Variants in KCNT2 observed in about 807,000 individuals in gnomAD.
KCNT2 encodes the protein potassium channel subfamily T member 2.
A neutral mutation model predicts 153.8 loss-of-function variants in KCNT2; 67 were observed. The observed-to-expected ratio is 0.44, with a 90% CI of 0.36 to 0.53. KCNT2 has a LOEUF of 0.53. KCNT2 is among the 20% of genes least tolerant of loss of function. The pLI, the probability that KCNT2 is intolerant of heterozygous loss-of-function variation, is 0.00. For missense variants in KCNT2, 975 were observed against 1,354.8 expected, an observed-to-expected ratio of 0.72 and a Z score of 4.40; for synonymous variants, 500 against 458.8, an observed-to-expected ratio of 1.09 and a Z score of -1.15.
chr1:196,356,037 T>C (rs1408613235), intron 14 of KCNT2, among the ~76,000 whole-genome samples: 2 of 151,796 alleles, frequency 1.3e-5, no homozygotes, highest in Non-Finnish European at 2.9e-5. Context: ...ATATATTCCA[T>C]AAATATTAAT....
chr1:196,334,487 CTT>C (rs533230418), intron 16 of KCNT2, among the ~76,000 whole-genome samples: 1 of 87,260 alleles, frequency 1.1e-5, no homozygotes, highest in Non-Finnish European at 2.2e-5. Context: ...TTCTTTCTTT[CTT>C]TTTTTTTTTT....
intron 19 of KCNT2, 89 bp from the exon 20 acceptor site, chr1:196,319,644 A>G: frequency 1.3e-6 from 1 of 779,216 alleles, no homozygotes; most frequent in Non-Finnish European, 2.1e-6. Flanking sequence ...CTTAGTTTGC[A>G]TTTCCAAAAC....
chr1:196,336,305 T>C (rs1014202623), intron 16 of KCNT2, among the ~76,000 whole-genome samples: 2 of 152,060 alleles, frequency 1.3e-5, no homozygotes, highest in African/African-American at 4.8e-5. Context: ...CTGCACATCA[T>C]CTCTCCTTCT....
At chr1:196,468,581 C>T (rs1296927368) in intron 6 of KCNT2, among the ~76,000 whole-genome samples, 1 of 151,878 alleles carries the variant, frequency 6.6e-6, no homozygotes, top group Non-Finnish European at 1.5e-5. Context: ...AAAAACAGAA[C>T]TAGACTTAAT....
intron 1 of KCNT2, among the ~76,000 whole-genome samples, chr1:196,575,760 C>T (rs1040870363): frequency 2.0e-5 from 3 of 151,462 alleles, no homozygotes; most frequent in African/African-American, 7.3e-5. Context: ...GGCGGATCAC[C>T]TGAGGTCAGG....
At chr1:196,567,527 T>C (rs1660258304) in intron 1 of KCNT2, among the ~76,000 whole-genome samples, 1 of 152,182 alleles carries the variant, frequency 6.6e-6, no homozygotes, top group South Asian at 2.1e-4. Context: ...CATCAGGAAG[T>C]ACAAAAGATG....
chr1:196,460,681 G>T (rs753451962), intron 8 of KCNT2, among the ~76,000 whole-genome samples: 2 of 151,732 alleles, frequency 1.3e-5, no homozygotes, highest in Non-Finnish European at 2.9e-5. Flanking sequence ...ACAAGAAAGT[G>T]TCATAGAGAA....
At chr1:196,480,017 T>C (rs578153569) in intron 4 of KCNT2, among the ~76,000 whole-genome samples, 14 of 152,348 alleles carry the variant, frequency 9.2e-5, no homozygotes, top group African/African-American at 3.4e-4. Context: ...GTGTTAGTAC[T>C]ATCTTCCTAC....
At chr1:196,606,472 G>A (rs6428349) in intron 1 of KCNT2, among the ~76,000 whole-genome samples, 72,759 of 151,960 alleles carry the variant, frequency 0.48, 19,804 homozygotes, top group Middle Eastern at 0.73. Flanking sequence ...TTAAGTTAAA[G>A]TTGGGCTAGC....
At chr1:196,361,342 G>T (rs2148273259) in intron 14 of KCNT2, among the ~76,000 whole-genome samples, 1 of 152,088 alleles carries the variant, frequency 6.6e-6, no homozygotes, top group Non-Finnish European at 1.5e-5. Context: ...TGTCCCGAAG[G>T]TTACCTGAGG....
At chr1:196,300,836 T>G (rs2147960190) in intron 22 of KCNT2, among the ~76,000 whole-genome samples, 1 of 152,220 alleles carries the variant, frequency 6.6e-6, no homozygotes, top group Non-Finnish European at 1.5e-5. Context: ...AGAAATTTTT[T>G]CTCCCCTATT....
chr1:196,272,554 T>C (rs1376456301), intron 25 of KCNT2, among the ~76,000 whole-genome samples: 3 of 151,884 alleles, frequency 2.0e-5, no homozygotes, highest in Non-Finnish European at 4.4e-5. Flanking sequence ...ATAAAGTTTA[T>C]GTATTTGTGT....
At chr1:196,388,725 T>C (rs1670221408) in intron 13 of KCNT2, among the ~76,000 whole-genome samples, 1 of 151,770 alleles carries the variant, frequency 6.6e-6, no homozygotes, top group Non-Finnish European at 1.5e-5. Flanking sequence ...TTGATTTCTG[T>C]ATAAGGAAGA....
In KCNT2 at chr1:196,540,910, C is replaced by CA. The variant is rs545561968; in HGVS notation, c.96-48570dup. Among the ~76,000 whole-genome samples the CA allele has an allele frequency of 3.5e-3, 529 of 151,638 alleles. 5 individuals carry two copies. The highest frequency in any genetic ancestry group is 0.017 in the South Asian group (81 of 4,802). On this transcript the variant is annotated intron_variant, in intron 1 of 27. Transcript: ENST00000294725. The stretch of plus-strand genomic sequence containing the variant: ...TGAAACCCTGTCTCTACTAAAAATA[C>CA]AAAAAATTAGCCAGGCGTGGTGGCG...
At chr1:196,522,331 T>C (rs1218110014) in intron 1 of KCNT2, among the ~76,000 whole-genome samples, 1 of 152,176 alleles carries the variant, frequency 6.6e-6, no homozygotes, top group African/African-American at 2.4e-5. Context: ...TGGAAGATAA[T>C]ACATATGTGA....
At chr1:196,566,239 C>A (rs561932752) in intron 1 of KCNT2, among the ~76,000 whole-genome samples, 1 of 151,844 alleles carries the variant, frequency 6.6e-6, no homozygotes, top group African/African-American at 2.4e-5. Context: ...GAAAAAATGA[C>A]CTTCCTGGCA....
rs1219761175 is a variant in KCNT2, at chr1:196,227,581, T to TTA, written c.*641_*642dup. 2 of 152,422 alleles carry TTA rather than the reference T, an allele frequency of 1.3e-5. No homozygotes were observed. The highest frequency in any genetic ancestry group is 4.8e-5 in the African/African-American group (2 of 41,454). The allele number at this position is 152,422 out of a possible 1,614,324, so 9.4% of individuals were successfully genotyped here. On this transcript the variant is annotated 3_prime_UTR_variant, in exon 28 of 28. Transcript: ENST00000294725. ...GCAGGAACCTAGTGTTTCTTTTCATTTATGTTTTAGTTTCTTCAATGTAAT... is the reference window on the plus strand; with the variant it reads ...GCAGGAACCTAGTGTTTCTTTTCATTTATATGTTTTAGTTTCTTCAATGTAAT...
chr1:196,516,893 G>A (rs527355269), intron 1 of KCNT2, among the ~76,000 whole-genome samples: 1 of 152,162 alleles, frequency 6.6e-6, no homozygotes, highest in South Asian at 2.1e-4. Flanking sequence ...GCACCCTTAT[G>A]GAAAAGTAGC....
rs549251376 is a variant in KCNT2 at position 196,509,535 on chromosome 1, A to T, written c.96-17194T>A. On this transcript the variant is annotated intron_variant, in intron 1 of 27. Coordinates refer to ENST00000294725, the MANE Select transcript of KCNT2 (RefSeq NM_198503.5). ...AAAAAAACTTTAAAAATTAAACAATAACTTATTTACAGATGCATACATATC... is the reference window on the plus strand; with the variant it reads ...AAAAAAACTTTAAAAATTAAACAATTACTTATTTACAGATGCATACATATC... Among the ~76,000 whole-genome samples the T allele has an allele frequency of 2.7e-4, 41 of 152,326 alleles. 1 individual carries two copies. Among genetic ancestry groups the T allele is most frequent in the East Asian group, 1.5e-3 (8 of 5,186 alleles).
Sources: allele counts gnomAD v4.1 joint callset (sites outside exome capture counted in the v4.1 genomes callset), GRCh38; gene constraint gnomAD v4.1.1; transcripts MANE v1.5; gene names NCBI Gene and HGNC (gene_info 2026-07-23, HGNC 2026-07-21).